The following AMPH variants were observed in gnomAD, a reference collection of about 807,000 sequenced individuals.
AMPH encodes the protein amphiphysin (Stiff-Mann syndrome with breast cancer 128kD autoantigen).
Under a neutral mutation model 99.1 loss-of-function variants are expected in AMPH, and 49 were observed. The ratio of observed to expected loss-of-function variants is 0.49; its 90% CI spans 0.39 to 0.63. The LOEUF is 0.63. Ranked by LOEUF, AMPH falls within the 20% of genes least tolerant of loss-of-function variation. The pLI, the probability that AMPH is intolerant of heterozygous loss-of-function variation, is 0.00. For missense variants in AMPH, 759 were observed against 863.4 expected, an observed-to-expected ratio of 0.88 and a Z score of 1.52; for synonymous variants, 314 against 317.3, an observed-to-expected ratio of 0.99 and a Z score of 0.11.
At chr7:38,396,867 C>T (rs994327120) in intron 17 of AMPH, among the ~76,000 whole-genome samples, 4 of 152,184 alleles carry the variant, frequency 2.6e-5, no homozygotes, top group African/African-American at 9.7e-5. Context: ...CTCTACGACA[C>T]TAAGGACCTA....
intron 11 of AMPH, among the ~76,000 whole-genome samples, chr7:38,457,902 T>G (rs1473260085): frequency 6.6e-6 from 1 of 152,214 alleles, no homozygotes; most frequent in African/African-American, 2.4e-5. Context: ...GTGACTGTCA[T>G]AATGTTAATT....
chr7:38,591,736 C>T (rs1390394018), intron 1 of AMPH, among the ~76,000 whole-genome samples: 1 of 152,214 alleles, frequency 6.6e-6, no homozygotes. Context: ...TACAGCTGTC[C>T]TCAGCATGCC....
intron 1 of AMPH, among the ~76,000 whole-genome samples, chr7:38,537,307 G>A (rs962608241): frequency 2.0e-5 from 3 of 152,140 alleles, no homozygotes; most frequent in African/African-American, 7.2e-5. Flanking sequence ...CTACTTCACA[G>A]TGTTGTATGG....
chr7:38,429,822 T>C lies in AMPH; in HGVS notation c.1182+20A>G, dbSNP rs77135970. ...TATCAAATACCAAAAAAATCCAGAATGATCTGGATATTTACCTACCGGCTG... is the reference window on the plus strand; with the variant it reads ...TATCAAATACCAAAAAAATCCAGAACGATCTGGATATTTACCTACCGGCTG... On this transcript the variant is annotated intron_variant, in intron 14 of 20. Transcript: ENST00000356264. 117 of 1,599,508 alleles carry C rather than the reference T, an allele frequency of 7.3e-5. No individual in the cohort carries two copies. In the African/African-American group the frequency reaches 1.4e-3, roughly 19 times the overall value.
intron 2 of AMPH, among the ~76,000 whole-genome samples, chr7:38,520,842 AT>A (rs1222972098): frequency 2.6e-5 from 4 of 152,204 alleles, no homozygotes; most frequent in Non-Finnish European, 4.4e-5. Context: ...CAGTCCCAAA[AT>A]TACACTATCA....
chr7:38,593,000 T>C (rs1040476617), intron 1 of AMPH, among the ~76,000 whole-genome samples: 1 of 152,176 alleles, frequency 6.6e-6, no homozygotes, highest in African/African-American at 2.4e-5. Context: ...GCATTATCTC[T>C]CCAACTAAAT....
chr7:38,495,304 T>C (rs1788889510), intron 3 of AMPH, among the ~76,000 whole-genome samples: 1 of 152,190 alleles, frequency 6.6e-6, no homozygotes, highest in African/African-American at 2.4e-5. Context: ...AACATTGAAA[T>C]AAATGAGAGC....
In AMPH at chr7:38,556,493, G is replaced by C. The variant is rs1791368292; in HGVS notation, c.70-21482C>G. 2.0e-5 allele frequency among the ~76,000 whole-genome samples: 3 copies of C among 152,324 alleles called. No individual in the cohort carries two copies. The South Asian group carries it at 6.2e-4, about 32-fold the overall frequency. On this transcript the variant is annotated intron_variant, in intron 1 of 20. Coordinates refer to ENST00000356264, the MANE Select transcript of AMPH (RefSeq NM_001635.4). ...ACTCACCAGATATGGGGAGATACCA[G>C]CGAAGGCCCTCACTCACTGTAGTCC...
At chr7:38,389,065 C>G (rs1784421417) in intron 20 of AMPH, among the ~76,000 whole-genome samples, 2 of 152,168 alleles carry the variant, frequency 1.3e-5, no homozygotes, top group South Asian at 4.1e-4. Flanking sequence ...CATATTAAGT[C>G]TTAACCTCAA....
At chr7:38,460,426 T>C (rs1311091583) in intron 11 of AMPH, among the ~76,000 whole-genome samples, 2 of 152,150 alleles carry the variant, frequency 1.3e-5, no homozygotes, top group East Asian at 1.9e-4. Context: ...ACAGTAAAGA[T>C]AGAGAATCAA....
chr7:38,520,344 T>G (rs928043326), intron 2 of AMPH, among the ~76,000 whole-genome samples: 2 of 152,208 alleles, frequency 1.3e-5, no homozygotes, highest in African/African-American at 4.8e-5. Context: ...TTTGCATGTA[T>G]AGTCATAAAT....
chr7:38,529,918 C>G (rs1267434243), intron 2 of AMPH, among the ~76,000 whole-genome samples: 1 of 152,148 alleles, frequency 6.6e-6, no homozygotes, highest in Admixed American at 6.5e-5. Flanking sequence ...AACATATATA[C>G]TGTGGCAGTA....
intron 1 of AMPH, among the ~76,000 whole-genome samples, chr7:38,571,022 CATATATTGA>C (rs1158210730): frequency 2.9e-4 from 2 of 6,880 alleles, no homozygotes; most frequent in African/African-American, 1.1e-3. Context: ...TATATATATT[CATATATTGA>C]ATATATATAG....
intron 5 of AMPH, among the ~76,000 whole-genome samples, chr7:38,483,848 G>C (rs919140477): frequency 5.3e-5 from 8 of 152,116 alleles, no homozygotes; most frequent in Non-Finnish European, 1.2e-4. Context: ...GTGCCTGACA[G>C]AGAATTCAAA....
At chr7:38,603,394 G>T (rs567709026) in intron 1 of AMPH, among the ~76,000 whole-genome samples, 63 of 150,156 alleles carry the variant, frequency 4.2e-4, no homozygotes, top group Middle Eastern at 3.5e-3. Context: ...ATCACATTAA[G>T]AAACACAATC....
intron 4 of AMPH, among the ~76,000 whole-genome samples, chr7:38,491,905 C>T (rs1251731744): frequency 6.6e-6 from 1 of 152,150 alleles, no homozygotes; most frequent in Admixed American, 6.5e-5. Context: ...CACCAGAGGA[C>T]TTTTTATCCC....
intron 1 of AMPH, among the ~76,000 whole-genome samples, chr7:38,579,299 T>A (rs575607459): frequency 2.0e-5 from 3 of 152,294 alleles, no homozygotes; most frequent in African/African-American, 7.2e-5. Context: ...CTGTCTCCAG[T>A]GGCCACTCTC....
intron 17 of AMPH, among the ~76,000 whole-genome samples, chr7:38,412,992 C>G (rs888388276): frequency 1.1e-4 from 16 of 152,164 alleles, no homozygotes; most frequent in Non-Finnish European, 1.5e-5. Context: ...ATTGCCATTT[C>G]TGACATGAGG....
intron 11 of AMPH, among the ~76,000 whole-genome samples, chr7:38,443,167 A>G (rs1285927981): frequency 6.6e-6 from 1 of 152,066 alleles, no homozygotes; most frequent in Non-Finnish European, 1.5e-5. Flanking sequence ...AAATACAAAA[A>G]TCTCACTCAA....
Sources: allele counts gnomAD v4.1 joint callset (sites outside exome capture counted in the v4.1 genomes callset), GRCh38; gene constraint gnomAD v4.1.1; transcripts MANE v1.5; gene names NCBI Gene and HGNC (gene_info 2026-07-23, HGNC 2026-07-21).